KLHL29: variants seen among roughly 807,000 people sequenced by gnomAD.
KLHL29 encodes kelch like family member 29, also known as kelch-like protein 29.
Under a neutral mutation model 80.4 loss-of-function variants are expected in KLHL29, and 21 were observed. The observed-to-expected ratio is 0.26, with a 90% CI of 0.19 to 0.38. KLHL29 has a LOEUF of 0.38. KLHL29 is among the 10% of genes least tolerant of loss of function. KLHL29 has a pLI of 1.00. For missense variants in KLHL29, 867 were observed against 1,223.9 expected, an observed-to-expected ratio of 0.71 and a Z score of 4.35; for synonymous variants, 511 against 526.8, an observed-to-expected ratio of 0.97 and a Z score of 0.41.
intron 2 of KLHL29, among the ~76,000 whole-genome samples, chr2:23,498,049 C>G (rs1665321812): frequency 6.6e-6 from 1 of 152,154 alleles, no homozygotes; most frequent in African/African-American, 2.4e-5. Context: ...AGTTAAGTGA[C>G]TTAACATATC....
chr2:23,643,363 A>G (rs2149159400), intron 5 of KLHL29: 1 of 221,488 alleles, frequency 4.5e-6, no homozygotes, highest in Non-Finnish European at 9.3e-6. Context: ...TAGGCCCAAG[A>G]GACATTCCTA....
chr2:23,643,081 A>G (rs1308952085), intron 5 of KLHL29: 2 of 676,974 alleles, frequency 3.0e-6, no homozygotes, highest in South Asian at 1.6e-5. Context: ...GCGCCGGGGT[A>G]AGAAGAGGAA....
intron 3 of KLHL29, among the ~76,000 whole-genome samples, chr2:23,566,623 A>G (rs4665228): frequency 0.57 from 86,951 of 152,162 alleles, 27,719 homozygotes; most frequent in East Asian, 0.8. Flanking sequence ...TCAGCATTTC[A>G]CCACTGCTAA....
intron 3 of KLHL29, among the ~76,000 whole-genome samples, chr2:23,610,462 C>T (rs890055840): frequency 1.3e-5 from 2 of 152,128 alleles, no homozygotes; most frequent in African/African-American, 2.4e-5. Context: ...AGGCTTGGTC[C>T]GGAATGAGCT....
rs1238788997 is a variant in KLHL29 at position 23,708,549 on chromosome 2, G to A, written c.*1885G>A. ...GTTCTCTGTAATGGTATTGTACATA[G>A]TATATGTTTACTGTTAAGTTCTTGT... On this transcript the variant is annotated 3_prime_UTR_variant, in exon 14 of 14. Coordinates refer to ENST00000486442, the MANE Select transcript of KLHL29 (RefSeq NM_052920.2). The A allele has an allele frequency of 6.6e-6, 1 of 152,184 alleles. No individual in the cohort carries two copies. The allele number at this position is 152,184 out of a possible 1,614,324, so 9.4% of individuals were successfully genotyped here. A position where few individuals can be genotyped will look rare whatever the true frequency, so the allele number is the denominator to read the frequency against.
At chr2:23,636,582 C>G (rs1669615215) in intron 3 of KLHL29, among the ~76,000 whole-genome samples, 1 of 152,290 alleles carries the variant, frequency 6.6e-6, no homozygotes. Flanking sequence ...TTCCCTCGAG[C>G]TGTTCATATA....
intron 2 of KLHL29, among the ~76,000 whole-genome samples, chr2:23,560,159 G>A (rs1171127314): frequency 6.6e-6 from 1 of 151,992 alleles, no homozygotes; most frequent in South Asian, 2.1e-4. Flanking sequence ...GGAAACTGGA[G>A]CTAAGTTTAG....
chr2:23,548,892 G>A (rs901783319), intron 2 of KLHL29, among the ~76,000 whole-genome samples: 1 of 152,202 alleles, frequency 6.6e-6, no homozygotes, highest in Non-Finnish European at 1.5e-5. Flanking sequence ...CCTGCCCTGG[G>A]AGTGGAAGAT....
intron 2 of KLHL29, among the ~76,000 whole-genome samples, chr2:23,512,175 G>A (rs1414807833): frequency 6.6e-6 from 1 of 152,174 alleles, no homozygotes; most frequent in Non-Finnish European, 1.5e-5. Flanking sequence ...GCCGGACGCG[G>A]TGGCTCACAC....
chr2:23,407,444 G>A (rs902780510), intron 1 of KLHL29, among the ~76,000 whole-genome samples: 10 of 151,738 alleles, frequency 6.6e-5, no homozygotes, highest in Admixed American at 2.0e-4. Flanking sequence ...TCCTCTGTTT[G>A]TCCTTCTATT....
intron 5 of KLHL29, among the ~76,000 whole-genome samples, chr2:23,656,253 T>C (rs1456593946): frequency 6.6e-6 from 1 of 152,038 alleles, no homozygotes; most frequent in African/African-American, 2.4e-5. Context: ...AAAGCCAGCT[T>C]TGAGGAGGCC....
intron 3 of KLHL29, among the ~76,000 whole-genome samples, chr2:23,636,117 A>T (rs995328008): frequency 3.3e-5 from 5 of 152,140 alleles, no homozygotes; most frequent in African/African-American, 1.2e-4. Flanking sequence ...CGGGGACCAC[A>T]TGGGTTTACT....
At chr2:23,694,219 C>T (rs1437184244) in intron 8 of KLHL29, among the ~76,000 whole-genome samples, 1 of 152,260 alleles carries the variant, frequency 6.6e-6, no homozygotes, top group African/African-American at 2.4e-5. Flanking sequence ...CGAAAGCCTA[C>T]ACCTCTTCCT....
At chr2:23,673,724 C>G (rs1670841703) in intron 5 of KLHL29, among the ~76,000 whole-genome samples, 3 of 144,908 alleles carry the variant, frequency 2.1e-5, no homozygotes, top group Admixed American at 6.8e-5. Flanking sequence ...CACCCCTACA[C>G]AGGCACATAC....
chr2:23,584,417 G>A (rs1668066279), intron 3 of KLHL29, among the ~76,000 whole-genome samples: 1 of 152,240 alleles, frequency 6.6e-6, no homozygotes, highest in South Asian at 2.1e-4. Context: ...CAGAAACTCT[G>A]GGACTAGGGA....
chr2:23,532,572 T>G, intron 2 of KLHL29: 1 of 456,762 alleles, frequency 2.2e-6, no homozygotes, highest in Non-Finnish European at 4.4e-6. Flanking sequence ...CACTTTCCTT[T>G]GAAGCTAAAA....
At chr2:23,553,695 GC>G (rs1315673338) in intron 2 of KLHL29, among the ~76,000 whole-genome samples, 1 of 152,126 alleles carries the variant, frequency 6.6e-6, no homozygotes, top group Admixed American at 6.5e-5. Flanking sequence ...ATACATTTTG[GC>G]CCCACCTGTC....
intron 2 of KLHL29, among the ~76,000 whole-genome samples, chr2:23,518,345 G>A (rs941425313): frequency 5.3e-5 from 8 of 152,184 alleles, no homozygotes; most frequent in East Asian, 1.9e-4. Context: ...CCGTTGACTC[G>A]TGAGAGAACC....
chr2:23,585,299 A>G (rs1289553726), intron 3 of KLHL29, among the ~76,000 whole-genome samples: 1 of 152,238 alleles, frequency 6.6e-6, no homozygotes, highest in African/African-American at 2.4e-5. Context: ...CGTTACTGAA[A>G]GATTCTTGGA....
Sources: allele counts gnomAD v4.1 joint callset (sites outside exome capture counted in the v4.1 genomes callset), GRCh38; gene constraint gnomAD v4.1.1; transcripts MANE v1.5; gene names NCBI Gene and HGNC (gene_info 2026-07-23, HGNC 2026-07-21).